The following CLPB variants were observed in gnomAD, a reference collection of about 807,000 sequenced individuals.
CLPB encodes ClpB family mitochondrial disaggregase, also known as mitochondrial disaggregase.
In CLPB, 40 loss-of-function variants were observed where a neutral mutation model predicts 78.4. The ratio of observed to expected loss-of-function variants is 0.51; its 90% CI spans 0.40 to 0.66. The LOEUF is 0.66. Among genes scored for constraint, CLPB ranks in the 30% least tolerant of loss-of-function variants. CLPB has a pLI of 0.00. For synonymous variants in CLPB, 333 were observed against 348.0 expected, an observed-to-expected ratio of 0.96 and a Z score of 0.48; for missense variants, 780 against 886.9, an observed-to-expected ratio of 0.88 and a Z score of 1.53.
chr11:72,411,576 G>A (rs533017247), intron 2 of CLPB, among the ~76,000 whole-genome samples: 5 of 152,252 alleles, frequency 3.3e-5, no homozygotes, highest in South Asian at 2.1e-4. Flanking sequence ...CCTAGCAGAC[G>A]CTGCACTCAG....
chr11:72,330,897 G>C (rs1388771019), intron 5 of CLPB, among the ~76,000 whole-genome samples: 1 of 152,158 alleles, frequency 6.6e-6, no homozygotes, highest in Non-Finnish European at 1.5e-5. Context: ...CCATAGGATA[G>C]AATGGGCTGG....
chr11:72,428,568 G>A (rs1856453765), intron 2 of CLPB, among the ~76,000 whole-genome samples: 1 of 152,174 alleles, frequency 6.6e-6, no homozygotes, highest in Admixed American at 6.5e-5. Context: ...CTTGCTCCTG[G>A]CTCTGTGGTC....
intron 3 of CLPB, among the ~76,000 whole-genome samples, chr11:72,401,277 A>C (rs1294449617): frequency 6.6e-6 from 1 of 151,994 alleles, no homozygotes; most frequent in Non-Finnish European, 1.5e-5. Flanking sequence ...ATCTCTACTA[A>C]AAATACAAAA....
At chr11:72,398,350 A>G (rs1855467441) in intron 3 of CLPB, among the ~76,000 whole-genome samples, 1 of 152,220 alleles carries the variant, frequency 6.6e-6, no homozygotes, top group South Asian at 2.1e-4. Context: ...AGTTTGCACC[A>G]CACACGAACT....
At chr11:72,380,489 G>T in intron 3 of CLPB, 105 bp from the exon 4 acceptor site, 1 of 825,750 alleles carries the variant, frequency 1.2e-6, no homozygotes, top group Admixed American at 2.0e-5. Flanking sequence ...CTCTGCTCAT[G>T]TGAGTGATAC....
At chr11:72,307,609 T>C (rs1949768268) in intron 8 of CLPB, among the ~76,000 whole-genome samples, 1 of 152,212 alleles carries the variant, frequency 6.6e-6, no homozygotes, top group Admixed American at 6.5e-5. Context: ...CCTGGCTCAC[T>C]GCCCTGCATC....
At chr11:72,317,828 T>G (rs554179314) in intron 6 of CLPB, among the ~76,000 whole-genome samples, 1 of 152,334 alleles carries the variant, frequency 6.6e-6, no homozygotes, top group East Asian at 1.9e-4. Flanking sequence ...CCCCGTTGCC[T>G]GGGAGGTTCT....
rs1288954363 is a variant in CLPB, at chr11:72,434,076, G to C, written c.399C>G (p.Asn133Lys). 1 of 1,609,916 alleles carries C rather than the reference G, an allele frequency of 6.2e-7. No individual in the cohort carries two copies. The highest frequency in any genetic ancestry group is 1.3e-5 in the African/African-American group (1 of 74,926). The change falls in exon 1 of 16, where the codon AAC becomes AAG. Residue 133 changes from asparagine to lysine, a missense_variant. Physicochemically the swap from Asn to Lys is moderately conservative, Grantham distance 94 (BLOSUM62 0). This residue lies in a region of CLPB where 417 missense variants were observed against 414.7 expected (regional missense o/e 1.01). Coordinates refer to ENST00000538039, the MANE Select transcript of CLPB (RefSeq NM_001258392.3). Reference sequence around the variant, plus strand: ...AAACCCAGATCTCATAATCACCCTTGTTGGACGGACTCTTGCTGTAGCAAT... The same window carrying C: ...AAACCCAGATCTCATAATCACCCTTCTTGGACGGACTCTTGCTGTAGCAAT... ...VVHCYSKSPS[N>K]KDAALLEAAR...
chr11:72,372,546 A>C (rs1041071545), intron 4 of CLPB, among the ~76,000 whole-genome samples: 3 of 152,152 alleles, frequency 2.0e-5, no homozygotes, highest in Non-Finnish European at 2.9e-5. Flanking sequence ...TGAGTTTTTT[A>C]AGCAGTTCAA....
chr11:72,428,684 G>GGGACAAGAGGAGGCA (rs1856458635), intron 2 of CLPB: 1 of 152,266 alleles, frequency 6.6e-6, no homozygotes, highest in Non-Finnish European at 1.5e-5. Context: ...CAAGTGAGGT[G>GGGACAAGAGGAGGCA]GGACAAGAGG....
chr11:72,311,513 G>T (rs117337068), intron 7 of CLPB, among the ~76,000 whole-genome samples: 1 of 152,182 alleles, frequency 6.6e-6, no homozygotes, highest in East Asian at 1.9e-4. Flanking sequence ...AAGGTTACAG[G>T]GGGAAGAAAC....
chr11:72,305,065 T>C (rs1346746296), intron 9 of CLPB, among the ~76,000 whole-genome samples: 1 of 152,158 alleles, frequency 6.6e-6, no homozygotes, highest in Admixed American at 6.5e-5. Context: ...CCACCTATGA[T>C]TTAAAAATAA....
intron 5 of CLPB, chr11:72,355,286 T>G (rs1254377617): frequency 1.3e-5 from 2 of 152,168 alleles, no homozygotes; most frequent in Non-Finnish European, 2.9e-5. Flanking sequence ...TTGAAGAGTC[T>G]GAGGATTCAG....
intron 2 of CLPB, among the ~76,000 whole-genome samples, chr11:72,409,838 G>A (rs368619352): frequency 3.9e-5 from 6 of 152,082 alleles, no homozygotes; most frequent in African/African-American, 1.2e-4. Flanking sequence ...TTAGCTGGGC[G>A]TGGTGGCGCA....
intron 9 of CLPB, among the ~76,000 whole-genome samples, chr11:72,306,461 A>G (rs1949747436): frequency 6.6e-6 from 1 of 152,224 alleles, no homozygotes; most frequent in Admixed American, 6.5e-5. Flanking sequence ...TTTGGCTTTC[A>G]GTGAAATGTT....
intron 4 of CLPB, among the ~76,000 whole-genome samples, chr11:72,375,869 C>T (rs977181216): frequency 3.9e-5 from 6 of 152,212 alleles, no homozygotes; most frequent in Non-Finnish European, 8.8e-5. Context: ...CCACATATCA[C>T]ATATTTTATC....
At chr11:72,427,593 T>C (rs1038580658) in intron 2 of CLPB, among the ~76,000 whole-genome samples, 1 of 152,220 alleles carries the variant, frequency 6.6e-6, no homozygotes, top group Non-Finnish European at 1.5e-5. Flanking sequence ...TAGGTATGTC[T>C]AGATACATAA....
intron 5 of CLPB, among the ~76,000 whole-genome samples, chr11:72,349,056 A>G (rs1421859274): frequency 6.6e-6 from 1 of 152,264 alleles, no homozygotes; most frequent in African/African-American, 2.4e-5. Flanking sequence ...TAGTTGTAAG[A>G]AAATAATTAA....
At position 72,294,066 on chromosome 11, in the gene CLPB, C is replaced by G; in HGVS notation, c.1741G>C (p.Asp581His). The change falls in exon 15 of 16, where the codon GAC (aspartate) becomes CAC (histidine). Residue 581 changes from aspartate (D) to histidine (H), a missense_variant. Around this residue, in one of 3 missense-constraint regions of CLPB, gnomAD observed 272 missense variants for 304.0 expected, o/e 0.89. Transcript: ENST00000538039. ...GCGCCATAGTGCACATTGTAGCCGTCGACCAGCACATCTGCCACCTCGCGG... is the reference window on the plus strand; with the variant it reads ...GCGCCATAGTGCACATTGTAGCCGTGGACCAGCACATCTGCCACCTCGCGG... ...WDREVADVLV[D>H]GYNVHYGARS... 1 of 1,614,160 alleles carries G rather than the reference C, an allele frequency of 6.2e-7. No homozygotes were observed. Among genetic ancestry groups the G allele is most frequent in the Non-Finnish European group, 8.5e-7 (1 of 1,180,024 alleles).
Sources: allele counts gnomAD v4.1 joint callset (sites outside exome capture counted in the v4.1 genomes callset), GRCh38; gene constraint gnomAD v4.1.1; regional missense constraint gnomAD v4.1.1; transcripts MANE v1.5; gene names NCBI Gene and HGNC (gene_info 2026-07-23, HGNC 2026-07-21).